GTF2F2: variants seen among roughly 807,000 people sequenced by gnomAD.
GTF2F2 encodes general transcription factor IIF subunit 2.
Under a neutral mutation model 42.2 loss-of-function variants are expected in GTF2F2, and 23 were observed. The ratio of observed to expected loss-of-function variants is 0.55; its 90% CI spans 0.39 to 0.77. GTF2F2 has a LOEUF of 0.77. Among genes scored for constraint, GTF2F2 ranks in the 30% least tolerant of loss-of-function variants. The pLI is 0.00. For missense variants in GTF2F2, 261 were observed against 287.2 expected, an observed-to-expected ratio of 0.91 and a Z score of 0.66; for synonymous variants, 105 against 100.8, an observed-to-expected ratio of 1.04 and a Z score of -0.25.
At chr13:45,203,569 A>G (rs1240269038) in intron 4 of GTF2F2, among the ~76,000 whole-genome samples, 1 of 152,022 alleles carries the variant, frequency 6.6e-6, no homozygotes, top group Non-Finnish European at 1.5e-5. Flanking sequence ...CATCTTACCA[A>G]AGCATTCTAC....
chr13:45,163,086 T>C (rs1489482496), intron 4 of GTF2F2, among the ~76,000 whole-genome samples: 1 of 152,108 alleles, frequency 6.6e-6, no homozygotes, highest in Non-Finnish European at 1.5e-5. Context: ...TGTTAGGCAA[T>C]GTGCTCCAAA....
chr13:45,170,780 T>C (rs938731214), intron 4 of GTF2F2, among the ~76,000 whole-genome samples: 6 of 152,068 alleles, frequency 3.9e-5, no homozygotes, highest in South Asian at 2.1e-4. Flanking sequence ...CCTGGAGGAA[T>C]TGGAGAAGTC....
At chr13:45,181,177 AAAAC>A (rs1402026500) in intron 4 of GTF2F2, among the ~76,000 whole-genome samples, 2 of 133,714 alleles carry the variant, frequency 1.5e-5, no homozygotes, top group South Asian at 4.3e-4. Context: ...AAAAGACAAA[AAAAC>A]AAACAAACAA....
intron 5 of GTF2F2, among the ~76,000 whole-genome samples, chr13:45,236,450 T>G (rs536518013): frequency 6.6e-6 from 1 of 151,732 alleles, no homozygotes; most frequent in East Asian, 1.9e-4. Context: ...AGAAGATTGC[T>G]AAGTGCTCTC....
intron 5 of GTF2F2, among the ~76,000 whole-genome samples, chr13:45,232,625 C>A (rs1424693443): frequency 6.6e-6 from 1 of 152,014 alleles, no homozygotes; most frequent in African/African-American, 2.4e-5. Flanking sequence ...ACGAGCAAGA[C>A]CCTGTCTCAG....
At chr13:45,228,599 G>A (rs1874496157) in intron 5 of GTF2F2, among the ~76,000 whole-genome samples, 1 of 149,984 alleles carries the variant, frequency 6.7e-6, no homozygotes, top group Admixed American at 6.6e-5. Context: ...TCATCCCTTG[G>A]GTATTGTTCT....
intron 5 of GTF2F2, among the ~76,000 whole-genome samples, chr13:45,243,490 G>T (rs1310735463): frequency 6.6e-6 from 1 of 152,208 alleles, no homozygotes; most frequent in Non-Finnish European, 1.5e-5. Flanking sequence ...CACGCTGTTG[G>T]TGGAAAAATT....
chr13:45,170,959 T>C (rs893882825), intron 4 of GTF2F2, among the ~76,000 whole-genome samples: 2 of 152,028 alleles, frequency 1.3e-5, no homozygotes, highest in Non-Finnish European at 2.9e-5. Context: ...TAACAGACAG[T>C]TGGCTCAGGC....
chr13:45,158,096 C>CT (rs1443336686), intron 4 of GTF2F2, among the ~76,000 whole-genome samples: 1 of 152,178 alleles, frequency 6.6e-6, no homozygotes, highest in Non-Finnish European at 1.5e-5. Flanking sequence ...CTGGATACCA[C>CT]TTGATATGGT....
At position 45,224,483 on chromosome 13, in the gene GTF2F2, T is replaced by G. The variant is rs537160467; in HGVS notation, c.386+16978T>G. Reference sequence around the variant, plus strand: ...ATCTGTTTTGGTTGCTGAGATGCCCTTTTTTCCCTTCTTCTTTTCTGATTC... The same window carrying G: ...ATCTGTTTTGGTTGCTGAGATGCCCGTTTTTCCCTTCTTCTTTTCTGATTC... On this transcript the variant is annotated intron_variant, in intron 5 of 7. Transcript: ENST00000340473. Among the ~76,000 whole-genome samples the G allele has an allele frequency of 2.0e-5, 3 of 152,304 alleles. No individual in the cohort carries two copies. The South Asian group carries it at 6.2e-4, about 32-fold the overall frequency.
chr13:45,142,681 A>G (rs937474597), intron 2 of GTF2F2, among the ~76,000 whole-genome samples: 12 of 152,218 alleles, frequency 7.9e-5, no homozygotes, highest in African/African-American at 2.2e-4. Context: ...TAAGACTGCT[A>G]TGAAAATGCT....
Position 45,154,270 on chromosome 13 carries a change from T to C in GTF2F2, c.304+2439T>C, listed in dbSNP as rs545965878. On this transcript the variant is annotated intron_variant, in intron 4 of 7. Transcript: ENST00000340473. ...TTTTGAAAGCATGATTTATTTCTGG[T>C]ACTTCTACAAAGACAGCAATTTAGA... is the stretch of plus-strand genomic sequence containing the variant. 6.6e-5 allele frequency among the ~76,000 whole-genome samples: 10 copies of C among 152,326 alleles called. No individual in the cohort carries two copies. The South Asian group carries it at 2.1e-3, about 32-fold the overall frequency.
intron 2 of GTF2F2, among the ~76,000 whole-genome samples, chr13:45,149,308 T>C (rs561826127): frequency 1.3e-5 from 2 of 150,570 alleles, no homozygotes; most frequent in East Asian, 3.9e-4. Context: ...CTGGGTGTGA[T>C]GGCATGCACT....
chr13:45,131,496 A>G (rs138625977), intron 1 of GTF2F2, among the ~76,000 whole-genome samples: 1 of 152,352 alleles, frequency 6.6e-6, no homozygotes, highest in Non-Finnish European at 1.5e-5. Context: ...CCCTGTGATC[A>G]GTTTCAGTGG....
intron 1 of GTF2F2, among the ~76,000 whole-genome samples, chr13:45,134,152 T>A (rs546632186): frequency 6.6e-6 from 1 of 152,350 alleles, no homozygotes; most frequent in East Asian, 1.9e-4. Flanking sequence ...TGATTGTGCT[T>A]GTGGAAACCA....
chr13:45,132,025 G>T (rs1869383212), intron 1 of GTF2F2, among the ~76,000 whole-genome samples: 1 of 151,930 alleles, frequency 6.6e-6, no homozygotes, highest in Non-Finnish European at 1.5e-5. Flanking sequence ...AAGCCTCCCT[G>T]TGCCTTAGTT....
chr13:45,182,237 G>C (rs1441769642), intron 4 of GTF2F2, among the ~76,000 whole-genome samples: 1 of 152,010 alleles, frequency 6.6e-6, no homozygotes, highest in African/African-American at 2.4e-5. Context: ...TGCAGCCTCT[G>C]CCTCCCGGGC....
chr13:45,177,821 C>T (rs1227297633), intron 4 of GTF2F2, among the ~76,000 whole-genome samples: 1 of 152,168 alleles, frequency 6.6e-6, no homozygotes, highest in Admixed American at 6.5e-5. Flanking sequence ...AAAAAGTCCA[C>T]AGTCTTGCTT....
chr13:45,246,184 A>AT (rs1224198452), intron 5 of GTF2F2, among the ~76,000 whole-genome samples: 2 of 149,620 alleles, frequency 1.3e-5, no homozygotes, highest in Non-Finnish European at 3.0e-5. Context: ...AATTTTTTGT[A>AT]TTTTTTTTAG....
Sources: allele counts gnomAD v4.1 joint callset (sites outside exome capture counted in the v4.1 genomes callset), GRCh38; gene constraint gnomAD v4.1.1; transcripts MANE v1.5; gene names NCBI Gene and HGNC (gene_info 2026-07-23, HGNC 2026-07-21).